The following VIT variants were observed in gnomAD, a reference collection of about 807,000 sequenced individuals.
VIT encodes the protein vitrin.
VIT carries 99 observed loss-of-function variants against 78.0 expected under a neutral mutation model. The observed-to-expected ratio is 1.27, with a 90% CI of 1.08 to 1.50. The LOEUF (loss-of-function observed/expected upper bound fraction) is 1.50, where lower values mean the gene tolerates loss of function less well. Ranked by LOEUF, VIT falls within the 40% of genes most tolerant of loss-of-function variation. The pLI is 0.00. For missense variants in VIT, 1,126 were observed against 875.3 expected (o/e 1.29, Z -3.61); for synonymous variants, 374 against 334.3 (o/e 1.12, Z -1.29).
intron 4 of VIT, among the ~76,000 whole-genome samples, chr2:36,750,470 C>A (rs1668388424): frequency 6.6e-6 from 1 of 152,220 alleles, no homozygotes; most frequent in South Asian, 2.1e-4. Flanking sequence ...CACTTTCACA[C>A]TTCCGAGGCA....
chr2:36,813,839 C>A (rs1478421659), intron 15 of VIT, among the ~76,000 whole-genome samples: 1 of 152,180 alleles, frequency 6.6e-6, no homozygotes, highest in African/African-American at 2.4e-5. Context: ...AAAATATCTT[C>A]CCCTCTTCTA....
intron 1 of VIT, among the ~76,000 whole-genome samples, chr2:36,706,021 C>G (rs74499627): frequency 6.6e-6 from 1 of 152,204 alleles, no homozygotes; most frequent in Non-Finnish European, 1.5e-5. Flanking sequence ...CAAATCACCT[C>G]TGGTTGTGAA....
At chr2:36,758,405 T>C (rs1467236673) in intron 5 of VIT, among the ~76,000 whole-genome samples, 1 of 152,084 alleles carries the variant, frequency 6.6e-6, no homozygotes, top group East Asian at 1.9e-4. Flanking sequence ...TTTATGCTTA[T>C]TTTTTTCCCT....
chr2:36,810,234 G>C (rs951064455), intron 15 of VIT, among the ~76,000 whole-genome samples: 1 of 152,174 alleles, frequency 6.6e-6, no homozygotes, highest in Non-Finnish European at 1.5e-5. Flanking sequence ...GAGTTTGCTG[G>C]TGAGCCGAGA....
At chr2:36,751,389 C>G (rs1558538908) in intron 4 of VIT, among the ~76,000 whole-genome samples, 2 of 152,178 alleles carry the variant, frequency 1.3e-5, no homozygotes, top group East Asian at 3.9e-4. Context: ...GAGTGAGACC[C>G]TATCTCAGAA....
intron 3 of VIT, among the ~76,000 whole-genome samples, chr2:36,742,488 C>G (rs1380376979): frequency 6.6e-6 from 1 of 152,152 alleles, no homozygotes; most frequent in Non-Finnish European, 1.5e-5. Flanking sequence ...AGGACCAAGA[C>G]AAAATATCAT....
chr2:36,764,646 G>A (rs1417976370), intron 6 of VIT, among the ~76,000 whole-genome samples: 1 of 152,284 alleles, frequency 6.6e-6, no homozygotes, highest in East Asian at 1.9e-4. Context: ...ACCAGCTAAT[G>A]CCTGCAAGAG....
In VIT at chr2:36,805,425, C is replaced by T. The variant is rs747109005; in HGVS notation, c.1163-13C>T. On this transcript the variant is annotated splice_polypyrimidine_tract_variant and intron_variant, in intron 13 of 15. Transcript: ENST00000379242. ...CGTGATCACTCCAAGCATGAATTTT[C>T]TTTTTCTTCCAGGTCGGGCCATCTC... is the stretch of plus-strand genomic sequence containing the variant. 9 of 1,582,826 alleles carry T rather than the reference C, an allele frequency of 5.7e-6. No individual in the cohort carries two copies. Among genetic ancestry groups the T allele is most frequent in the Non-Finnish European group, 7.7e-6 (9 of 1,166,026 alleles).
chr2:36,739,312 T>C (rs1409741597), intron 3 of VIT, among the ~76,000 whole-genome samples: 1 of 152,154 alleles, frequency 6.6e-6, no homozygotes, highest in Admixed American at 6.5e-5. Flanking sequence ...AGTGGCAAAA[T>C]AAGGAATCTG....
At chr2:36,802,375 A>G (rs769992773) in intron 13 of VIT, among the ~76,000 whole-genome samples, 2 of 152,238 alleles carry the variant, frequency 1.3e-5, no homozygotes, top group Non-Finnish European at 2.9e-5. Flanking sequence ...AAATGGAGTC[A>G]TGAGCCACAG....
chr2:36,699,630 A>G (rs6731436), intron 1 of VIT, among the ~76,000 whole-genome samples: 1,292 of 79,246 alleles, frequency 0.016, 6 homozygotes, highest in Non-Finnish European at 0.02. Flanking sequence ...ATATAGGTAG[A>G]TAGATAGATA....
At position 36,808,916 on chromosome 2, in the gene VIT, A is replaced by G; in HGVS notation, c.1834A>G (p.Met612Val). The change falls in exon 15 of 16, where the codon ATG becomes GTG. Residue 612 changes from methionine (M) to valine (V), a missense_variant. Coordinates refer to ENST00000379242, the MANE Select transcript of VIT (RefSeq NM_053276.4). ...KKSKPNKRKLMILITDGRSYD... is the reference protein window; with the variant it reads ...KKSKPNKRKLVILITDGRSYD... ...GTCCAAGCCCAACAAGAGGAAGTTA[A>G]TGATCCTCATCACCGACGGGAGGTC... 1.2e-6 allele frequency: 2 copies of G among 1,613,952 alleles called. No homozygotes were observed. The highest frequency in any genetic ancestry group is 2.2e-5 in the East Asian group (1 of 44,872).
chr2:36,783,996 T>G (rs1170230229), intron 11 of VIT, among the ~76,000 whole-genome samples: 2 of 151,722 alleles, frequency 1.3e-5, no homozygotes, highest in Admixed American at 1.3e-4. Flanking sequence ...AAATTTAGAG[T>G]TGTAAGACAA....
intron 5 of VIT, among the ~76,000 whole-genome samples, chr2:36,757,503 G>A (rs1668841352): frequency 6.6e-6 from 1 of 152,188 alleles, no homozygotes; most frequent in African/African-American, 2.4e-5. Flanking sequence ...TAGAGAAGAT[G>A]TCTCTTCCTC....
intron 1 of VIT, among the ~76,000 whole-genome samples, chr2:36,703,600 T>G (rs897793041): frequency 6.6e-6 from 1 of 152,214 alleles, no homozygotes; most frequent in Non-Finnish European, 1.5e-5. Context: ...AACGTTTGCG[T>G]GTGAGACAGA....
In VIT at chr2:36,696,761, G is replaced by C. The variant is rs1664708770; in HGVS notation, c.-231G>C. 1 of 151,682 alleles carries C rather than the reference G, an allele frequency of 6.6e-6. No homozygotes were observed. Among genetic ancestry groups the C allele is most frequent in the East Asian group, 1.9e-4 (1 of 5,188 alleles). The allele number at this position is 151,682 out of a possible 1,614,324, so 9.4% of individuals were successfully genotyped here. ...GTGTGTGTGTATGTGTGTGGGGGGG[G>C]GTGTAAAATGTGTTTTTCAAAGTAC... is the stretch of plus-strand genomic sequence containing the variant. On this transcript the variant is annotated 5_prime_UTR_variant, in exon 1 of 16. Transcript: ENST00000379242.
chr2:36,779,214 G>C (rs1226954650), intron 9 of VIT, among the ~76,000 whole-genome samples: 1 of 152,240 alleles, frequency 6.6e-6, no homozygotes, highest in East Asian at 1.9e-4. Context: ...TAAACAGATG[G>C]TGGTTAGGGG....
intron 12 of VIT, among the ~76,000 whole-genome samples, chr2:36,793,338 AT>A (rs1434346880): frequency 1.3e-5 from 2 of 152,228 alleles, no homozygotes; most frequent in African/African-American, 4.8e-5. Context: ...AAATTTGATT[AT>A]TAAGACCCTG....
intron 6 of VIT, among the ~76,000 whole-genome samples, chr2:36,765,755 G>A (rs1669392938): frequency 6.6e-6 from 1 of 152,250 alleles, no homozygotes; most frequent in African/African-American, 2.4e-5. Context: ...AAGACACAGA[G>A]TCTACCCTAT....
Sources: allele counts gnomAD v4.1 joint callset (sites outside exome capture counted in the v4.1 genomes callset), GRCh38; gene constraint gnomAD v4.1.1; transcripts MANE v1.5; gene names NCBI Gene and HGNC (gene_info 2026-07-23, HGNC 2026-07-21).